Variants in PAAF1 observed in about 807,000 individuals in gnomAD.
PAAF1 encodes the protein proteasomal ATPase associated factor 1.
In PAAF1, 46 loss-of-function variants were observed where a neutral mutation model predicts 52.8. The observed-to-expected ratio is 0.87, with a 90% CI of 0.69 to 1.11. The LOEUF is 1.11. Ranked by LOEUF, PAAF1 falls within the 50% of genes most tolerant of loss-of-function variation. The pLI, the probability that PAAF1 is intolerant of heterozygous loss-of-function variation, is 0.00. For synonymous variants in PAAF1, 178 were observed against 172.8 expected, an observed-to-expected ratio of 1.03 and a Z score of -0.24; for missense variants, 424 against 477.4, an observed-to-expected ratio of 0.89 and a Z score of 1.04.
intron 6 of PAAF1, among the ~76,000 whole-genome samples, chr11:73,908,229 ATG>A (rs1565143377): frequency 2.7e-5 from 4 of 149,282 alleles, no homozygotes; most frequent in African/African-American, 9.8e-5. Flanking sequence ...ATATATATAT[ATG>A]TGTGTATATA....
At chr11:73,918,338 A>G (rs1285525861) in intron 9 of PAAF1, among the ~76,000 whole-genome samples, 1 of 106,218 alleles carries the variant, frequency 9.4e-6, no homozygotes, top group African/African-American at 3.4e-5. Context: ...TTCTTCCATC[A>G]TTTCAGTTAC....
intron 2 of PAAF1, chr11:73,880,686 C>CA (rs1948873618): frequency 2.6e-5 from 1 of 38,056 alleles, no homozygotes; most frequent in Non-Finnish European, 4.3e-5. Flanking sequence ...GACTCTGTCT[C>CA]GAAAAAAAAA....
intron 10 of PAAF1, chr11:73,921,621 C>G (rs1950222254): frequency 1.0e-5 from 7 of 671,662 alleles, no homozygotes; most frequent in South Asian, 4.1e-5. Context: ...AAATGCTGCC[C>G]AGGGCTCTGG....
At chr11:73,895,392 A>G (rs987576457) in intron 4 of PAAF1, among the ~76,000 whole-genome samples, 3 of 152,228 alleles carry the variant, frequency 2.0e-5, no homozygotes, top group Non-Finnish European at 4.4e-5. Context: ...AATTGGATAG[A>G]TACCACCTGT....
intron 7 of PAAF1, 39 bp from the exon 8 acceptor site, chr11:73,914,374 C>A: frequency 6.3e-7 from 1 of 1,576,984 alleles, no homozygotes; most frequent in South Asian, 1.1e-5. Context: ...ACCAGCTGAT[C>A]AGCCTCACTG....
chr11:73,896,904 G>C (rs1391074685), intron 4 of PAAF1, among the ~76,000 whole-genome samples: 21 of 150,678 alleles, frequency 1.4e-4, no homozygotes, highest in African/African-American at 4.2e-4. Context: ...CCTCCCGGAC[G>C]GGGCGGCTGG....
chr11:73,926,666 G>A (rs1950369543), intron 11 of PAAF1, among the ~76,000 whole-genome samples: 1 of 152,260 alleles, frequency 6.6e-6, no homozygotes, highest in South Asian at 2.1e-4. Flanking sequence ...CCAAGATGGC[G>A]TCACTGCACT....
chr11:73,903,895 C>T (rs1949690594), intron 6 of PAAF1, among the ~76,000 whole-genome samples: 1 of 151,664 alleles, frequency 6.6e-6, no homozygotes, highest in South Asian at 2.1e-4. Flanking sequence ...ACCAGCCTGG[C>T]AAACATGGTA....
At position 73,928,600 on chromosome 11, in the gene PAAF1, G is replaced by T. The variant is rs1402916910; in HGVS notation, c.*1238G>T. Reference sequence around the variant, plus strand: ...TGGATACCATATTATTTATATTTTTGAGATTATTAGAGAAAAGTTTCTTGA... The same window carrying T: ...TGGATACCATATTATTTATATTTTTTAGATTATTAGAGAAAAGTTTCTTGA... On this transcript the variant is annotated 3_prime_UTR_variant, in exon 12 of 12. Coordinates refer to ENST00000310571, the MANE Select transcript of PAAF1 (RefSeq NM_025155.3). The T allele has an allele frequency of 6.6e-6, 1 of 152,068 alleles. No homozygotes were observed. The highest frequency in any genetic ancestry group is 1.5e-5 in the Non-Finnish European group (1 of 68,032). 9.4% of individuals were successfully genotyped at this position (152,068 alleles called of 1,614,324 possible).
At chr11:73,887,600 T>C (rs1467079374) in intron 3 of PAAF1, 143 bp downstream of exon 3, 16 of 520,682 alleles carry the variant, frequency 3.1e-5, no homozygotes, top group Non-Finnish European at 6.5e-6. Context: ...GTGAGTGTCA[T>C]TGGTATTTTC....
At chr11:73,887,576 A>T in intron 3 of PAAF1, 119 bp downstream of exon 3, 1 of 622,144 alleles carries the variant, frequency 1.6e-6, no homozygotes, top group Non-Finnish European at 2.5e-6. Context: ...TGAGAATCAT[A>T]GTTTTTGCTG....
chr11:73,895,951 A>AT (rs1949337261), intron 4 of PAAF1, among the ~76,000 whole-genome samples: 1 of 152,220 alleles, frequency 6.6e-6, no homozygotes, highest in East Asian at 1.9e-4. Context: ...TCCAAAAAAA[A>AT]GTTAAAAAAT....
At position 73,922,019 on chromosome 11, in the gene PAAF1, A is replaced by C. The variant is rs73549995; in HGVS notation, c.1019-2596A>C. The C allele has an allele frequency of 7.5e-3, 6,045 of 811,052 alleles. 255 individuals carry two copies. The African/African-American group carries it at 0.093, about 12-fold the overall frequency. The allele number at this position is 811,052 out of a possible 1,614,324, so 50.2% of individuals were successfully genotyped here. A position where few individuals can be genotyped will look rare whatever the true frequency, so the allele number is the denominator to read the frequency against. Reference sequence around the variant, plus strand: ...TCCTGTCAGCTTCATTCTTAACTTCATAGTTTTTGAAGAAGACATTGGCCT... The same window carrying C: ...TCCTGTCAGCTTCATTCTTAACTTCCTAGTTTTTGAAGAAGACATTGGCCT... On this transcript the variant is annotated intron_variant, in intron 10 of 11. Transcript: ENST00000310571.
intron 7 of PAAF1, among the ~76,000 whole-genome samples, chr11:73,913,538 T>A (rs1184411039): frequency 2.6e-5 from 4 of 152,182 alleles, no homozygotes; most frequent in Non-Finnish European, 4.4e-5. Context: ...TCCTATTTTA[T>A]TTTATTTTAG....
intron 7 of PAAF1, 149 bp downstream of exon 7, chr11:73,909,742 C>G (rs566816068): frequency 8.3e-6 from 6 of 721,362 alleles, no homozygotes; most frequent in Non-Finnish European, 1.3e-5. Flanking sequence ...TCTGTACCTA[C>G]TATGTTTCTA....
At chr11:73,877,943 T>A (rs1948789153) in intron 1 of PAAF1, among the ~76,000 whole-genome samples, 1 of 152,192 alleles carries the variant, frequency 6.6e-6, no homozygotes, top group South Asian at 2.1e-4. Flanking sequence ...TTCATTCATC[T>A]AACATTTATT....
chr11:73,914,420 G>C lies in PAAF1; in HGVS notation c.735G>C (p.Arg245=), dbSNP rs1332466368. Residue 245 remains arginine (R), a synonymous_variant, in exon 8 of 12, where the codon CGG becomes CGC. Transcript: ENST00000310571. ...LGSPEQMPSE[R]EVGTEAKMLL... ...AGTTTATTTGTCATGCAGGTGAACG[G>C]GAGGTTGGAACAGAGGCCAAAATGC... 3.1e-6 allele frequency: 5 copies of C among 1,613,874 alleles called. No individual in the cohort carries two copies. The African/African-American group carries it at 6.7e-5, about 22-fold the overall frequency.
At chr11:73,923,143 A>C (rs1950268915) in intron 10 of PAAF1, among the ~76,000 whole-genome samples, 1 of 152,138 alleles carries the variant, frequency 6.6e-6, no homozygotes, top group South Asian at 2.1e-4. Context: ...CTAAAAGACA[A>C]GGATTCATTT....
chr11:73,877,139 GC>G (rs1479637685), intron 1 of PAAF1, 71 bp downstream of exon 1: 9 of 1,426,598 alleles, frequency 6.3e-6, no homozygotes, highest in Non-Finnish European at 8.4e-6. Context: ...GGAGAGCCAT[GC>G]CTGGTCCAGG....
Sources: gnomAD v4.1 joint callset for allele counts (sites outside exome capture counted in the v4.1 genomes callset) on GRCh38, gnomAD v4.1.1 for gene constraint, MANE v1.5 for transcripts, NCBI Gene and HGNC (gene_info 2026-07-23, HGNC 2026-07-21) for gene names.